CSGALNACT1: variants seen among roughly 807,000 people sequenced by gnomAD.
CSGALNACT1 encodes the protein chondroitin sulfate N-acetylgalactosaminyltransferase 1.
CSGALNACT1 carries 52 observed loss-of-function variants against 51.0 expected under a neutral mutation model. That is an observed-to-expected ratio of 1.02 (90% CI 0.82 to 1.29). The LOEUF (loss-of-function observed/expected upper bound fraction) is 1.29, where lower values mean the gene tolerates loss of function less well. Among genes scored for constraint, CSGALNACT1 ranks in the 50% most tolerant of loss-of-function variants. CSGALNACT1 has a pLI of 0.00. For synonymous variants in CSGALNACT1, 341 were observed against 254.4 expected, an observed-to-expected ratio of 1.34 and a Z score of -3.24; for missense variants, 935 against 679.2, an observed-to-expected ratio of 1.38 and a Z score of -4.19.
chr8:19,590,761 T>A (rs2047648654), intron 3 of CSGALNACT1, among the ~76,000 whole-genome samples: 1 of 149,794 alleles, frequency 6.7e-6, no homozygotes, highest in South Asian at 2.2e-4. Context: ...GCAATTCTCC[T>A]GCTTCAGCCT....
chr8:19,598,205 C>T (rs552500832), intron 2 of CSGALNACT1, among the ~76,000 whole-genome samples: 3 of 152,304 alleles, frequency 2.0e-5, no homozygotes, highest in Non-Finnish European at 2.9e-5. Context: ...AGCAACAACA[C>T]CTGATTAAGG....
intron 1 of CSGALNACT1, among the ~76,000 whole-genome samples, chr8:19,649,455 T>C (rs1472075099): frequency 6.6e-6 from 1 of 152,146 alleles, no homozygotes; most frequent in Non-Finnish European, 1.5e-5. Flanking sequence ...CCTTCTGGAA[T>C]TAATTAGGAA....
chr8:19,622,658 T>G (rs1053542498), intron 1 of CSGALNACT1, among the ~76,000 whole-genome samples: 1 of 152,158 alleles, frequency 6.6e-6, no homozygotes, highest in African/African-American at 2.4e-5. Context: ...AAGTACTACT[T>G]TAAATTAGCC....
intron 4 of CSGALNACT1, among the ~76,000 whole-genome samples, chr8:19,460,742 T>A (rs1479288795): frequency 6.6e-6 from 1 of 152,194 alleles, no homozygotes; most frequent in Non-Finnish European, 1.5e-5. Context: ...AAACCCCTCC[T>A]TTTTTCTTGC....
At chr8:19,433,107 C>A (rs756689828) in intron 6 of CSGALNACT1, among the ~76,000 whole-genome samples, 1 of 152,158 alleles carries the variant, frequency 6.6e-6, no homozygotes, top group Admixed American at 6.5e-5. Flanking sequence ...AGTGACTTTT[C>A]TGAACTAATT....
chr8:19,614,381 A>G (rs2052708365), intron 1 of CSGALNACT1, among the ~76,000 whole-genome samples: 2 of 152,188 alleles, frequency 1.3e-5, no homozygotes, highest in Admixed American at 1.3e-4. Context: ...CCTGCCTCAT[A>G]ACACAATGTT....
At chr8:19,679,576 C>A (rs1310698701) in intron 1 of CSGALNACT1, among the ~76,000 whole-genome samples, 2 of 152,150 alleles carry the variant, frequency 1.3e-5, no homozygotes, top group African/African-American at 2.4e-5. Flanking sequence ...TGATCAAATA[C>A]CCCTGTAGCC....
intron 1 of CSGALNACT1, among the ~76,000 whole-genome samples, chr8:19,615,962 G>A (rs1357100409): frequency 2.0e-5 from 3 of 152,134 alleles, no homozygotes; most frequent in African/African-American, 7.2e-5. Context: ...TATCATAGAT[G>A]TTACAGCCAA....
intron 1 of CSGALNACT1, among the ~76,000 whole-genome samples, chr8:19,752,155 TATC>T (rs887607047): frequency 4.3e-4 from 64 of 148,010 alleles, no homozygotes; most frequent in African/African-American, 1.4e-3. Context: ...TTATATGACA[TATC>T]ATATATGAGT....
intron 4 of CSGALNACT1, among the ~76,000 whole-genome samples, chr8:19,489,930 C>T (rs2073977377): frequency 6.6e-6 from 1 of 152,124 alleles, no homozygotes; most frequent in South Asian, 2.1e-4. Context: ...CCAAAGTCTC[C>T]TTCTACACCT....
intron 1 of CSGALNACT1, among the ~76,000 whole-genome samples, chr8:19,706,947 T>C (rs912532195): frequency 6.6e-6 from 1 of 152,038 alleles, no homozygotes; most frequent in African/African-American, 2.4e-5. Context: ...CTGATCAAAA[T>C]CGACACCAGG....
At chr8:19,651,461 T>C in intron 1 of CSGALNACT1, among the ~76,000 whole-genome samples, 1 of 152,204 alleles carries the variant, frequency 6.6e-6, no homozygotes, top group Non-Finnish European at 1.5e-5. Context: ...TTTCTATCTT[T>C]GTGTTCATGT....
At chr8:19,622,661 A>C (rs1433564751) in intron 1 of CSGALNACT1, among the ~76,000 whole-genome samples, 1 of 152,206 alleles carries the variant, frequency 6.6e-6, no homozygotes, top group Non-Finnish European at 1.5e-5. Flanking sequence ...TACTACTTTA[A>C]ATTAGCCTTT....
chr8:19,493,057 GAAAAAA>G (rs71205928), intron 4 of CSGALNACT1, among the ~76,000 whole-genome samples: 2 of 141,366 alleles, frequency 1.4e-5, no homozygotes, highest in African/African-American at 5.3e-5. Flanking sequence ...TTCTTTTTTT[GAAAAAA>G]AAAAAAAACA....
At chr8:19,645,568 G>A (rs139961556) in intron 1 of CSGALNACT1, among the ~76,000 whole-genome samples, 200 of 152,338 alleles carry the variant, frequency 1.3e-3, no homozygotes, top group African/African-American at 4.5e-3. Context: ...GAACCTCGAA[G>A]GGTGGGCGTA....
chr8:19,411,823 C>T (rs2055811430), intron 8 of CSGALNACT1, among the ~76,000 whole-genome samples: 1 of 147,136 alleles, frequency 6.8e-6, no homozygotes, highest in Non-Finnish European at 1.5e-5. Flanking sequence ...TGTTTCCAAG[C>T]ACTATCCTCC....
chr8:19,642,095 T>C (rs913977401), intron 1 of CSGALNACT1: 2 of 152,218 alleles, frequency 1.3e-5, no homozygotes, highest in Admixed American at 6.5e-5. Flanking sequence ...GCTTGTTAAA[T>C]AGGCACTAAA....
At chr8:19,549,277 T>C (rs2087291722) in intron 3 of CSGALNACT1, among the ~76,000 whole-genome samples, 1 of 152,206 alleles carries the variant, frequency 6.6e-6, no homozygotes, top group African/African-American at 2.4e-5. Context: ...ACTATTTATA[T>C]AACAGTATTT....
rs557529892 is a variant in CSGALNACT1, at chr8:19,409,709, C to A, written c.1228-1015G>T. On this transcript the variant is annotated intron_variant, in intron 8 of 9. Coordinates refer to ENST00000454498, the Ensembl canonical transcript of CSGALNACT1. The stretch of plus-strand genomic sequence containing the variant: ...GGGCAGCAGCAGGTTCCTCTTTCCC[C>A]ACTTGGATTTGTATAGATTTTGTTG... 3.9e-5 allele frequency among the ~76,000 whole-genome samples: 6 copies of A among 152,222 alleles called. No individual in the cohort carries two copies. The South Asian group carries it at 1.0e-3, about 26-fold the overall frequency.
Sources: allele counts gnomAD v4.1 joint callset (sites outside exome capture counted in the v4.1 genomes callset), GRCh38; gene constraint gnomAD v4.1.1; transcripts MANE v1.5; gene names NCBI Gene and HGNC (gene_info 2026-07-23, HGNC 2026-07-21).